The following ARMC6 variants were observed in gnomAD, a reference collection of about 807,000 sequenced individuals.
ARMC6 encodes armadillo repeat containing 6.
A neutral mutation model predicts 49.2 loss-of-function variants in ARMC6; 43 were observed. The observed-to-expected ratio is 0.87, with a 90% CI of 0.69 to 1.13. The LOEUF (loss-of-function observed/expected upper bound fraction) is 1.13, where lower values mean the gene tolerates loss of function less well. Among genes scored for constraint, ARMC6 ranks in the 50% most tolerant of loss-of-function variants. The pLI is 0.00. For synonymous variants in ARMC6, 262 were observed against 289.6 expected, an observed-to-expected ratio of 0.90 and a Z score of 0.97; for missense variants, 627 against 682.0, an observed-to-expected ratio of 0.92 and a Z score of 0.90.
At chr19:19,052,283 A>T in intron 5 of ARMC6, 88 bp downstream of exon 5, 2 of 1,250,086 alleles carry the variant, frequency 1.6e-6, no homozygotes, top group South Asian at 3.1e-5. Flanking sequence ...GGACTGCTTT[A>T]GGCACGGCAG....
chr19:19,051,704 G>A lies in ARMC6; in HGVS notation c.362G>A (p.Cys121Tyr). Residue 121 changes from cysteine to tyrosine, a missense_variant, in exon 5 of 9, where the codon TGC (cysteine) becomes TAC (tyrosine). Coordinates refer to ENST00000535612, the MANE Select transcript of ARMC6 (RefSeq NM_001199196.2). Reference sequence around the variant, plus strand: ...TACCTCACCCGCTTCTGCGACCAGTGCAAACAGGACAAGGCCTGCCGCTTC... The same window carrying A: ...TACCTCACCCGCTTCTGCGACCAGTACAAACAGGACAAGGCCTGCCGCTTC... ...SAYLTRFCDQ[C>Y]KQDKACRFLA... The A allele has an allele frequency of 5.0e-6, 8 of 1,613,968 alleles. No homozygotes were observed. The highest frequency in any genetic ancestry group is 6.8e-6 in the Non-Finnish European group (8 of 1,180,022).
intron 4 of ARMC6, among the ~76,000 whole-genome samples, chr19:19,044,540 G>T (rs1173433608): frequency 6.6e-6 from 1 of 152,250 alleles, no homozygotes; most frequent in African/African-American, 2.4e-5. Context: ...TGGGGAAACA[G>T]GCCAGGAGCT....
At chr19:19,043,729 G>A (rs1014482122) in intron 3 of ARMC6, among the ~76,000 whole-genome samples, 4 of 152,242 alleles carry the variant, frequency 2.6e-5, no homozygotes, top group African/African-American at 9.6e-5. Flanking sequence ...CTGCACAGAC[G>A]TGGCCTGTGA....
chr19:19,049,510 T>A (rs567128849), intron 4 of ARMC6, among the ~76,000 whole-genome samples: 1 of 152,372 alleles, frequency 6.6e-6, no homozygotes, highest in East Asian at 1.9e-4. Flanking sequence ...TACACCGCTG[T>A]TTGTTATGTA....
At chr19:19,046,888 A>G (rs1333143311) in intron 4 of ARMC6, among the ~76,000 whole-genome samples, 4 of 147,382 alleles carry the variant, frequency 2.7e-5, no homozygotes, top group African/African-American at 5.0e-5. Context: ...TGCCCTGCCA[A>G]CATGCCAGGA....
In ARMC6 at chr19:19,057,975, A is replaced by G. The variant is rs1355105812; in HGVS notation, c.*347A>G. Reference sequence around the variant, plus strand: ...GTGGCAGCCACTGTGGGCCAGGCTCAGGGCAGGGCAGGCGATTCCAGTGGG... The same window carrying G: ...GTGGCAGCCACTGTGGGCCAGGCTCGGGGCAGGGCAGGCGATTCCAGTGGG... On this transcript the variant is annotated 3_prime_UTR_variant, in exon 9 of 9. Coordinates refer to ENST00000535612, the MANE Select transcript of ARMC6 (RefSeq NM_001199196.2). The G allele has an allele frequency of 5.2e-6, 2 of 386,320 alleles. No individual in the cohort carries two copies. Among genetic ancestry groups the G allele is most frequent in the Non-Finnish European group, 9.9e-6 (2 of 202,378 alleles). The allele number at this position is 386,320 out of a possible 1,614,324, so 23.9% of individuals were successfully genotyped here.
chr19:19,045,124 C>A (rs1328648447), intron 4 of ARMC6, among the ~76,000 whole-genome samples: 1 of 152,164 alleles, frequency 6.6e-6, no homozygotes, highest in Non-Finnish European at 1.5e-5. Flanking sequence ...GATTCTCCTG[C>A]CTCAGCCTCC....
intron 5 of ARMC6, among the ~76,000 whole-genome samples, chr19:19,052,540 A>G (rs972152590): frequency 6.6e-6 from 1 of 152,162 alleles, no homozygotes; most frequent in Non-Finnish European, 1.5e-5. Flanking sequence ...GCTGGCTGGC[A>G]TGCACCATGG....
intron 6 of ARMC6, among the ~76,000 whole-genome samples, chr19:19,054,987 C>G (rs367926635): frequency 1.8e-4 from 28 of 152,360 alleles, no homozygotes; most frequent in African/African-American, 6.5e-4. Context: ...TACCCTGGGT[C>G]TGTGGCCGTG....
intron 3 of ARMC6, 152 bp downstream of exon 3, chr19:19,043,029 C>T (rs367609455): frequency 2.1e-6 from 2 of 955,472 alleles, no homozygotes; most frequent in Non-Finnish European, 1.5e-6. Context: ...CTGCCCGAGG[C>T]AGGCTGGTTA....
chr19:19,053,562 C>T lies in ARMC6; in HGVS notation c.854-590C>T, dbSNP rs553227424. ...TAACCATGTGGACAGAATACCTCCA[C>T]GGCAACACCTAGATTGGCATTGGGT... On this transcript the variant is annotated intron_variant, in intron 5 of 8. Coordinates refer to ENST00000535612, the MANE Select transcript of ARMC6 (RefSeq NM_001199196.2). Among the ~76,000 whole-genome samples, 150 of 152,294 alleles carry T rather than the reference C, an allele frequency of 9.8e-4. 1 individual carries two copies. The highest frequency in any genetic ancestry group is 3.3e-3 in the African/African-American group (136 of 41,550).
At chr19:19,039,013 C>T (rs2059392327) in intron 2 of ARMC6, among the ~76,000 whole-genome samples, 1 of 152,062 alleles carries the variant, frequency 6.6e-6, no homozygotes, top group South Asian at 2.1e-4. Flanking sequence ...CCTTAGCCTC[C>T]CAAGTTGCTG....
intron 2 of ARMC6, among the ~76,000 whole-genome samples, chr19:19,040,227 T>A (rs1356810488): frequency 2.6e-5 from 4 of 152,136 alleles, no homozygotes. Flanking sequence ...TGATGTGAGA[T>A]CAAGCAGTAG....
chr19:19,055,004 G>C lies in ARMC6; in HGVS notation c.1024-261G>C, dbSNP rs1258107684. Among the ~76,000 whole-genome samples the C allele has an allele frequency of 6.6e-6, 1 of 152,200 alleles. No individual in the cohort carries two copies. Among genetic ancestry groups the C allele is most frequent in the African/African-American group, 2.4e-5 (1 of 41,458 alleles). Reference sequence around the variant, plus strand: ...CCCTGGGTCTGTGGCCGTGGACAGGGGGACCCTGTGCTCTGAAGGCCGGCC... The same window carrying C: ...CCCTGGGTCTGTGGCCGTGGACAGGCGGACCCTGTGCTCTGAAGGCCGGCC... On this transcript the variant is annotated intron_variant, in intron 6 of 8. Coordinates refer to ENST00000535612, the MANE Select transcript of ARMC6 (RefSeq NM_001199196.2). This position sits in a 1 kb window ranked among gnomAD's most constrained non-coding sequence, Gnocchi z 5.7.
chr19:19,037,418 C>G (rs1404078812), intron 2 of ARMC6: 1 of 260,208 alleles, frequency 3.8e-6, no homozygotes, highest in Non-Finnish European at 7.8e-6. Flanking sequence ...ACTTTGTCAC[C>G]CAGGCTGGAG....
At chr19:19,041,408 G>T (rs1233219993) in intron 2 of ARMC6, among the ~76,000 whole-genome samples, 1 of 151,894 alleles carries the variant, frequency 6.6e-6, no homozygotes, top group Non-Finnish European at 1.5e-5. Flanking sequence ...GTGTGCAGTG[G>T]TGCAATCTCG....
chr19:19,036,166 A>C (rs897820438), intron 2 of ARMC6, among the ~76,000 whole-genome samples: 1 of 152,098 alleles, frequency 6.6e-6, no homozygotes, highest in African/African-American at 2.4e-5. Flanking sequence ...GGTTCAAGCA[A>C]TTCTCTTGCC....
rs1568497770 is a variant in ARMC6, at chr19:19,055,419, A to G, written c.1155+23A>G. The stretch of plus-strand genomic sequence containing the variant: ...CAGGTACCCACCTCGGGGGGCACAC[A>G]CAGTAGCAGGGTGGTGGCTGGAGTC... On this transcript the variant is annotated intron_variant, in intron 7 of 8. Coordinates refer to ENST00000535612, the MANE Select transcript of ARMC6 (RefSeq NM_001199196.2). The surrounding 1 kb of genome is among the most constrained non-coding windows in gnomAD (Gnocchi z 5.7). 2 of 1,576,862 alleles carry G rather than the reference A, an allele frequency of 1.3e-6. No homozygotes were observed. Among genetic ancestry groups the G allele is most frequent in the East Asian group, 4.5e-5 (2 of 44,276 alleles).
chr19:19,053,696 A>C (rs2059518643), intron 5 of ARMC6, among the ~76,000 whole-genome samples: 1 of 152,056 alleles, frequency 6.6e-6, no homozygotes, highest in African/African-American at 2.4e-5. Context: ...TTCCTGGTGC[A>C]GCGCCTCTGG....
Sources: allele counts gnomAD v4.1 joint callset (sites outside exome capture counted in the v4.1 genomes callset), GRCh38; gene constraint gnomAD v4.1.1; non-coding constraint Gnocchi (gnomAD v3.1); transcripts MANE v1.5; gene names NCBI Gene and HGNC (gene_info 2026-07-23, HGNC 2026-07-21).